Variants in ROR2 observed in about 807,000 individuals in gnomAD.
The protein encoded by ROR2 is ROR family WNT receptor 2.
In ROR2, 33 loss-of-function variants were observed where a neutral mutation model predicts 74.9. The ratio of observed to expected loss-of-function variants is 0.44; its 90% CI spans 0.33 to 0.59. The LOEUF is 0.59. Ranked by LOEUF, ROR2 falls within the 20% of genes least tolerant of loss-of-function variation. The pLI is 0.02. For synonymous variants in ROR2, 586 were observed against 558.7 expected (o/e 1.05, Z -0.69); for missense variants, 1,216 against 1,313.8 (o/e 0.93, Z 1.15).
chr9:91,862,572 G>C lies in ROR2; in HGVS notation c.98-86754C>G, dbSNP rs561063968. 2.2e-4 allele frequency among the ~76,000 whole-genome samples: 34 copies of C among 152,242 alleles called. No individual in the cohort carries two copies. In the South Asian group the frequency reaches 4.6e-3, roughly 20 times the overall value. On this transcript the variant is annotated intron_variant, in intron 1 of 8. Transcript: ENST00000375708. The stretch of plus-strand genomic sequence containing the variant: ...AGCTACTCAGGAGGTTGAGGCAGGA[G>C]AATCGCTTGAGCCCAGGAGTTCAAG...
intron 1 of ROR2, among the ~76,000 whole-genome samples, chr9:91,833,986 C>T (rs1828543083): frequency 6.6e-6 from 1 of 152,170 alleles, no homozygotes; most frequent in South Asian, 2.1e-4. Flanking sequence ...GGGATGGTTC[C>T]AGGGAGGACA....
chr9:91,908,902 T>G (rs1019183506), intron 1 of ROR2, among the ~76,000 whole-genome samples: 5 of 137,790 alleles, frequency 3.6e-5, no homozygotes, highest in East Asian at 2.3e-4. Flanking sequence ...AGTTAAAAAC[T>G]CCACTGACCA....
intron 1 of ROR2, among the ~76,000 whole-genome samples, chr9:91,888,667 AC>A (rs1340813381): frequency 6.6e-6 from 1 of 152,214 alleles, no homozygotes; most frequent in East Asian, 1.9e-4. Flanking sequence ...AGGCCACACC[AC>A]TTGCTCAGAA....
In ROR2 at chr9:91,739,769, T is replaced by C. The variant is rs928451824; in HGVS notation, c.495-2251A>G. Among the ~76,000 whole-genome samples, 5 of 152,208 alleles carry C rather than the reference T, an allele frequency of 3.3e-5. No homozygotes were observed. In the East Asian group the frequency reaches 9.6e-4, roughly 29 times the overall value. On this transcript the variant is annotated intron_variant, in intron 4 of 8. Coordinates refer to ENST00000375708, the MANE Select transcript of ROR2 (RefSeq NM_004560.4). The stretch of plus-strand genomic sequence containing the variant: ...AAGGGTTCCTTAAAGGTAGTTTAAA[T>C]AGGCAGCACATGTGTTAACAATGCG...
chr9:91,723,403 CCT>C lies in ROR2; in HGVS notation c.*257_*258del. 7.1e-6 allele frequency: 4 copies of C among 561,088 alleles called. No individual in the cohort carries two copies. The highest frequency in any genetic ancestry group is 1.3e-5 in the Non-Finnish European group (4 of 314,398). The allele number at this position is 561,088 out of a possible 1,614,324, so 34.8% of individuals were successfully genotyped here. A position where few individuals can be genotyped will look rare whatever the true frequency, so the allele number is the denominator to read the frequency against. ...TACCACCAGAATCAATGTATACAGC[CCT>C]GGGGATGACCATGTGTCCTGCTCCC... On this transcript the variant is annotated 3_prime_UTR_variant, in exon 9 of 9. Transcript: ENST00000375708.
chr9:91,858,027 G>GGCT (rs1380625784), intron 1 of ROR2, among the ~76,000 whole-genome samples: 1 of 152,160 alleles, frequency 6.6e-6, no homozygotes, highest in Non-Finnish European at 1.5e-5. Flanking sequence ...TAAAAACCAA[G>GGCT]GCTGCTTCCC....
intron 1 of ROR2, among the ~76,000 whole-genome samples, chr9:91,878,651 C>G (rs1276200078): frequency 3.9e-5 from 6 of 152,224 alleles, no homozygotes; most frequent in Admixed American, 3.3e-4. Context: ...GAAGCCAAAC[C>G]ATAGCCCATC....
intron 1 of ROR2, among the ~76,000 whole-genome samples, chr9:91,816,466 TTTC>T (rs1827937693): frequency 6.6e-6 from 1 of 152,136 alleles, no homozygotes; most frequent in South Asian, 2.1e-4. Flanking sequence ...ACCCACGCTC[TTTC>T]TTGTCTTGAG....
intron 1 of ROR2, among the ~76,000 whole-genome samples, chr9:91,847,175 G>T (rs1828958313): frequency 6.6e-6 from 1 of 152,146 alleles, no homozygotes; most frequent in Non-Finnish European, 1.5e-5. Context: ...ACAGAGAAAT[G>T]AAATGAGAGC....
intron 1 of ROR2, among the ~76,000 whole-genome samples, chr9:91,854,601 T>C (rs1435078446): frequency 6.6e-6 from 1 of 152,196 alleles, no homozygotes; most frequent in Non-Finnish European, 1.5e-5. Context: ...TAAGAGCAAG[T>C]GTCCTCTTTT....
chr9:91,801,534 T>C (rs1223596841), intron 1 of ROR2, among the ~76,000 whole-genome samples: 2 of 152,188 alleles, frequency 1.3e-5, no homozygotes, highest in Admixed American at 6.5e-5. Context: ...GATTTCGCCA[T>C]GTTGGCCACG....
intron 1 of ROR2, among the ~76,000 whole-genome samples, chr9:91,889,812 C>T (rs1830380929): frequency 6.6e-6 from 1 of 152,196 alleles, no homozygotes; most frequent in Non-Finnish European, 1.5e-5. Context: ...CTTGAGGAGC[C>T]TTCAGAGGGA....
At chr9:91,855,036 T>G (rs1829234680) in intron 1 of ROR2, among the ~76,000 whole-genome samples, 1 of 152,196 alleles carries the variant, frequency 6.6e-6, no homozygotes, top group African/African-American at 2.4e-5. Flanking sequence ...TCAAACAACA[T>G]TTTCAGGAGA....
chr9:91,849,592 GA>G (rs1461695898), intron 1 of ROR2, among the ~76,000 whole-genome samples: 4 of 152,316 alleles, frequency 2.6e-5, no homozygotes, highest in Non-Finnish European at 5.9e-5. Context: ...GATTACTACA[GA>G]ATATCTGACC....
At chr9:91,867,284 T>C (rs907564695) in intron 1 of ROR2, among the ~76,000 whole-genome samples, 4 of 152,176 alleles carry the variant, frequency 2.6e-5, no homozygotes, top group African/African-American at 9.7e-5. Flanking sequence ...CTTTTTTCAT[T>C]TTCTTTCTTT....
chr9:91,738,650 T>C (rs563409498), intron 4 of ROR2, among the ~76,000 whole-genome samples: 15 of 152,232 alleles, frequency 9.9e-5, no homozygotes, highest in East Asian at 1.9e-4. Flanking sequence ...AAGGTGATGG[T>C]AGGGACTCCA....
intron 1 of ROR2, among the ~76,000 whole-genome samples, chr9:91,896,036 T>C (rs1830530333): frequency 6.6e-6 from 1 of 152,076 alleles, no homozygotes; most frequent in African/African-American, 2.4e-5. Context: ...TCACAATCTT[T>C]CAAAAATATT....
intron 1 of ROR2, among the ~76,000 whole-genome samples, chr9:91,790,966 T>TA (rs1826953405): frequency 6.6e-6 from 1 of 152,256 alleles, no homozygotes; most frequent in African/African-American, 2.4e-5. Context: ...ACAGAAAGTT[T>TA]AAAAAATTTA....
intron 1 of ROR2, among the ~76,000 whole-genome samples, chr9:91,896,171 G>C (rs1001512792): frequency 9.9e-5 from 15 of 152,134 alleles, no homozygotes; most frequent in Admixed American, 9.2e-4. Flanking sequence ...AGAAATTCAC[G>C]CAGTGCATAC....
Sources: allele counts gnomAD v4.1 joint callset (sites outside exome capture counted in the v4.1 genomes callset), GRCh38; gene constraint gnomAD v4.1.1; transcripts MANE v1.5; gene names NCBI Gene and HGNC (gene_info 2026-07-23, HGNC 2026-07-21).